GABRB2: variants seen among roughly 807,000 people sequenced by gnomAD.
GABRB2 encodes the protein gamma-aminobutyric acid type A receptor subunit beta2.
In GABRB2, 16 loss-of-function variants were observed where a neutral mutation model predicts 54.7. That is an observed-to-expected ratio of 0.29 (90% confidence interval 0.20 to 0.44). The LOEUF is 0.44. GABRB2 is among the 20% of genes least tolerant of loss of function. The pLI is 1.00. For missense variants in GABRB2, 355 were observed against 644.0 expected, an observed-to-expected ratio of 0.55 and a Z score of 4.86; for synonymous variants, 244 against 233.8, an observed-to-expected ratio of 1.04 and a Z score of -0.40.
chr5:161,434,903 C>T (rs1757267014), intron 4 of GABRB2, among the ~76,000 whole-genome samples: 1 of 152,126 alleles, frequency 6.6e-6, no homozygotes, highest in Admixed American at 6.6e-5. Flanking sequence ...TATATCCACA[C>T]TAGTGAAAAG....
chr5:161,440,422 A>C (rs1757436263), intron 4 of GABRB2, among the ~76,000 whole-genome samples: 1 of 152,204 alleles, frequency 6.6e-6, no homozygotes, highest in Non-Finnish European at 1.5e-5. Context: ...GCGGAAACCA[A>C]AACAGAGCAG....
intron 4 of GABRB2, among the ~76,000 whole-genome samples, chr5:161,427,488 T>C (rs1050447219): frequency 1.6e-4 from 24 of 152,294 alleles, no homozygotes; most frequent in Non-Finnish European, 3.2e-4. Context: ...GGCCTACCAA[T>C]GACTCATAAT....
intron 3 of GABRB2, among the ~76,000 whole-genome samples, chr5:161,497,313 A>C (rs1321944149): frequency 6.6e-6 from 1 of 152,088 alleles, no homozygotes; most frequent in Non-Finnish European, 1.5e-5. Context: ...TTGCTACAGG[A>C]CTGAATCTGA....
At chr5:161,350,328 A>G (rs893653676) in intron 5 of GABRB2, among the ~76,000 whole-genome samples, 13 of 152,156 alleles carry the variant, frequency 8.5e-5, no homozygotes, top group Admixed American at 7.9e-4. Context: ...TAGAGCTAAT[A>G]CACAAATTCA....
At chr5:161,501,712 T>C (rs1295698628) in intron 3 of GABRB2, among the ~76,000 whole-genome samples, 1 of 151,942 alleles carries the variant, frequency 6.6e-6, no homozygotes, top group Non-Finnish European at 1.5e-5. Context: ...ATATAGGTTT[T>C]CTCTTGTTAT....
chr5:161,544,928 A>G (rs1760928979), intron 3 of GABRB2, among the ~76,000 whole-genome samples: 1 of 152,122 alleles, frequency 6.6e-6, no homozygotes, highest in South Asian at 2.1e-4. Context: ...TGGGTTTCTC[A>G]TTGAGCCTGA....
At chr5:161,420,661 G>T (rs1377648804) in intron 4 of GABRB2, among the ~76,000 whole-genome samples, 1 of 152,230 alleles carries the variant, frequency 6.6e-6, no homozygotes, top group Non-Finnish European at 1.5e-5. Context: ...GAAATGGAAG[G>T]CTGCAGAGCG....
chr5:161,531,197 T>G (rs775106603), intron 3 of GABRB2, among the ~76,000 whole-genome samples: 6 of 152,180 alleles, frequency 3.9e-5, no homozygotes, highest in Non-Finnish European at 8.8e-5. Context: ...CACTCATATT[T>G]AAAACTCTTT....
intron 5 of GABRB2, 132 bp from the exon 6 acceptor site, chr5:161,336,901 T>C (rs2113408815): frequency 2.1e-6 from 2 of 953,484 alleles, no homozygotes; most frequent in East Asian, 5.3e-5. Context: ...CTAAAGGCTG[T>C]TATGTGTTTG....
At chr5:161,485,149 G>A (rs1283583402) in intron 3 of GABRB2, among the ~76,000 whole-genome samples, 1 of 151,878 alleles carries the variant, frequency 6.6e-6, no homozygotes, top group Non-Finnish European at 1.5e-5. Flanking sequence ...CCCTGTCTAA[G>A]GACGGACTCC....
chr5:161,488,833 A>G (rs962396522), intron 3 of GABRB2, among the ~76,000 whole-genome samples: 1 of 151,822 alleles, frequency 6.6e-6, no homozygotes, highest in Non-Finnish European at 1.5e-5. Flanking sequence ...TGTCATGGCT[A>G]TACAGCAAGC....
At chr5:161,421,830 G>C (rs910176993) in intron 4 of GABRB2, among the ~76,000 whole-genome samples, 6 of 152,164 alleles carry the variant, frequency 3.9e-5, no homozygotes, top group Non-Finnish European at 7.4e-5. Flanking sequence ...CTTCTTAGGT[G>C]AGCTATGATG....
intron 3 of GABRB2, among the ~76,000 whole-genome samples, chr5:161,460,869 A>T (rs569441214): frequency 6.6e-6 from 1 of 152,270 alleles, no homozygotes; most frequent in South Asian, 2.1e-4. Flanking sequence ...GGTGACAAAA[A>T]GCTTTTCTTG....
chr5:161,548,106 C>T (rs561344560), upstream of GABRB2: 3 of 152,912 alleles, frequency 2.0e-5, no homozygotes, highest in South Asian at 6.2e-4. Flanking sequence ...ACCTCGTCCT[C>T]TTCTTCCCTT....
intron 9 of GABRB2, among the ~76,000 whole-genome samples, chr5:161,324,259 G>A (rs575454460): frequency 1.3e-5 from 2 of 152,236 alleles, no homozygotes; most frequent in African/African-American, 4.8e-5. Context: ...GATTATATCT[G>A]TGTGGGAGTG....
intron 3 of GABRB2, among the ~76,000 whole-genome samples, chr5:161,468,210 A>G (rs1442433861): frequency 6.6e-6 from 1 of 152,080 alleles, no homozygotes; most frequent in Non-Finnish European, 1.5e-5. Flanking sequence ...CTTGCTTAAG[A>G]TGGTCTAAAA....
intron 5 of GABRB2, among the ~76,000 whole-genome samples, chr5:161,405,851 A>G (rs1443187153): frequency 1.3e-5 from 2 of 152,086 alleles, no homozygotes; most frequent in Non-Finnish European, 2.9e-5. Flanking sequence ...GACCCCTTCG[A>G]CAAGGATGAT....
chr5:161,414,964 T>G (rs1289157012), intron 4 of GABRB2, among the ~76,000 whole-genome samples: 1 of 152,192 alleles, frequency 6.6e-6, no homozygotes, highest in Non-Finnish European at 1.5e-5. Context: ...CTAAATCTGT[T>G]GTTTGAGACT....
At chr5:161,351,831 T>C (rs574995061) in intron 5 of GABRB2, among the ~76,000 whole-genome samples, 1 of 152,030 alleles carries the variant, frequency 6.6e-6, no homozygotes, top group East Asian at 1.9e-4. Flanking sequence ...CCAAAATATA[T>C]AAGGAACTCA....
Sources: allele counts gnomAD v4.1 joint callset (sites outside exome capture counted in the v4.1 genomes callset), GRCh38; gene constraint gnomAD v4.1.1; transcripts MANE v1.5; gene names NCBI Gene and HGNC (gene_info 2026-07-23, HGNC 2026-07-21).